TMEM215: variants seen among roughly 807,000 people sequenced by gnomAD.
TMEM215 encodes the protein transmembrane protein 215.
Under a neutral mutation model 14.7 loss-of-function variants are expected in TMEM215, and 12 were observed. The observed-to-expected ratio is 0.82, with a 90% CI of 0.52 to 1.33. The LOEUF (loss-of-function observed/expected upper bound fraction) is 1.33, where lower values mean the gene tolerates loss of function less well. Ranked by LOEUF, TMEM215 falls within the 40% of genes most tolerant of loss-of-function variation. The probability of loss-of-function intolerance (pLI) is 0.00; values close to 1 mark genes in which losing one functional copy is unlikely to be tolerated. For missense variants in TMEM215, 276 were observed against 296.2 expected (o/e 0.93, Z 0.50); for synonymous variants, 122 against 124.8 (o/e 0.98, Z 0.15).
At position 32,786,871 on chromosome 9, in the gene TMEM215, G is replaced by A. The variant is rs1406697540; in HGVS notation, c.*1980G>A. The A allele has an allele frequency of 6.0e-6, 1 of 166,968 alleles. No homozygotes were observed. Among genetic ancestry groups the A allele is most frequent in the Non-Finnish European group, 1.5e-5 (1 of 68,038 alleles). The allele number at this position is 166,968 out of a possible 1,614,324, so 10.3% of individuals were successfully genotyped here. ...TAATACACAACCTTGCACTAAATGT[G>A]ATTGACATTTGGATTTGGGATGGGG... On this transcript the variant is annotated 3_prime_UTR_variant, in exon 2 of 2. Transcript: ENST00000342743.
Position 32,788,555 on chromosome 9 carries a change from G to A in TMEM215, c.*3664G>A, listed in dbSNP as rs1824532177. Among the ~76,000 whole-genome samples, 1 of 152,116 alleles carries A rather than the reference G, an allele frequency of 6.6e-6. No individual in the cohort carries two copies. The highest frequency in any genetic ancestry group is 1.5e-5 in the Non-Finnish European group (1 of 68,028). On this transcript the variant is annotated 3_prime_UTR_variant, in exon 2 of 2. Coordinates refer to ENST00000342743, the MANE Select transcript of TMEM215 (RefSeq NM_212558.3). ...TTGCTGGCAAGATACTAAGTTTTAT[G>A]GATGATTTTGTATGTTTTTTTCCTA...
rs1824481756 is a variant in TMEM215, at chr9:32,784,562, G to T, written c.379G>T (p.Gly127Cys). The change falls in exon 2 of 2, where the codon GGT becomes TGT. Residue 127 changes from glycine (G) to cysteine (C), a missense_variant. Transcript: ENST00000342743. ...GGGGAAGCCTCCCCCACAAAGCCAG[G>T]GTGAGGTGTCCGTGGCCAGCTCCAT... ...LRGKPPPQSQGEVSVASSINS... is the reference protein window; with the variant it reads ...LRGKPPPQSQCEVSVASSINS... The T allele has an allele frequency of 6.2e-7, 1 of 1,613,628 alleles. No individual in the cohort carries two copies. Among genetic ancestry groups the T allele is most frequent in the Non-Finnish European group, 8.5e-7 (1 of 1,179,972 alleles).
chr9:32,784,177 G>A lies in TMEM215; in HGVS notation c.-7G>A, dbSNP rs371425496. On this transcript the variant is annotated 5_prime_UTR_variant, in exon 2 of 2. It adds an upstream start codon to the 5' untranslated region. Transcript: ENST00000342743. ...GCAAGCAGCCCCCAACCTGGATGGAGTGAAACATGCGGCCTGATGACATTA... is the reference window on the plus strand; with the variant it reads ...GCAAGCAGCCCCCAACCTGGATGGAATGAAACATGCGGCCTGATGACATTA... 3.2e-5 allele frequency: 52 copies of A among 1,607,192 alleles called. No homozygotes were observed. The highest frequency in any genetic ancestry group is 3.4e-5 in the Admixed American group (2 of 59,650).
At position 32,785,224 on chromosome 9, in the gene TMEM215, G is replaced by C. The variant is rs541788379; in HGVS notation, c.*333G>C. The C allele has an allele frequency of 1.9e-4, 46 of 244,644 alleles. No homozygotes were observed. The highest frequency in any genetic ancestry group is 1.0e-3 in the African/African-American group (46 of 44,078). The allele number at this position is 244,644 out of a possible 1,614,324, so 15.2% of individuals were successfully genotyped here. A position where few individuals can be genotyped will look rare whatever the true frequency, so the allele number is the denominator to read the frequency against. On this transcript the variant is annotated 3_prime_UTR_variant, in exon 2 of 2. Transcript: ENST00000342743. ...ACCAGCTGAGAGCAAGATAAATCTA[G>C]AGTGGGCTGCAGATGTGAGGCATCA...
rs1824502892 is a variant in TMEM215, at chr9:32,786,023, T to G, written c.*1132T>G. On this transcript the variant is annotated 3_prime_UTR_variant, in exon 2 of 2. Coordinates refer to ENST00000342743, the MANE Select transcript of TMEM215 (RefSeq NM_212558.3). Reference sequence around the variant, plus strand: ...CACCTGATCAGTGAACATTACATGATAAAAGTCTCTTTATTTCATACATTT... The same window carrying G: ...CACCTGATCAGTGAACATTACATGAGAAAAGTCTCTTTATTTCATACATTT... 6.0e-6 allele frequency: 1 copy of G among 167,002 alleles called. No homozygotes were observed. The highest frequency in any genetic ancestry group is 2.1e-4 in the South Asian group (1 of 4,834). 10.3% of individuals were successfully genotyped at this position (167,002 alleles called of 1,614,324 possible).
At position 32,784,492 on chromosome 9, in the gene TMEM215, C is replaced by T. The variant is rs535200766; in HGVS notation, c.309C>T (p.Ser103=). The part of the protein sequence containing the change: ...ELLRTPSDLE[S]GKGSSDELAK... ...TGAGGACCCCTTCAGACCTAGAATC[C>T]GGCAAGGGGAGCTCAGATGAGCTGG... Residue 103 remains serine (S), a synonymous_variant, in exon 2 of 2, where the codon TCC becomes TCT. Transcript: ENST00000342743. The T allele has an allele frequency of 5.0e-6, 8 of 1,614,002 alleles. No individual in the cohort carries two copies. The Admixed American group carries it at 1.0e-4, about 20-fold the overall frequency.
In TMEM215 at chr9:32,784,884, T is replaced by C. The variant is rs759273226; in HGVS notation, c.701T>C (p.Ile234Thr). Residue 234 changes from isoleucine to threonine, a missense_variant, in exon 2 of 2, where the codon ATC (isoleucine) becomes ACC (threonine). Physicochemically the swap from Ile to Thr is moderately conservative, Grantham distance 89. Coordinates refer to ENST00000342743, the MANE Select transcript of TMEM215 (RefSeq NM_212558.3). ...QIQGRWDHET[I>T]V is the part of the protein sequence containing the mutation. The stretch of plus-strand genomic sequence containing the variant: ...CAAGGCAGGTGGGACCACGAGACCA[T>C]CGTCTAATCTCTGCCTACAAAGGTG... The C allele has an allele frequency of 3.1e-6, 5 of 1,610,500 alleles. No individual in the cohort carries two copies. Among genetic ancestry groups the C allele is most frequent in the Non-Finnish European group, 4.2e-6 (5 of 1,178,288 alleles).
Position 32,784,657 on chromosome 9 carries a change from G to A in TMEM215, c.474G>A (p.Thr158=). 3.1e-6 allele frequency: 5 copies of A among 1,613,974 alleles called. No individual in the cohort carries two copies. The highest frequency in any genetic ancestry group is 4.2e-6 in the Non-Finnish European group (5 of 1,179,988). The part of the protein sequence containing the change: ...SLVQNGHQEE[T]SRYLDGYCPS... ...TCCAGAATGGGCATCAGGAGGAGAC[G>A]TCCAGATACCTGGACGGCTACTGCC... Residue 158 remains threonine (T), a synonymous_variant, in exon 2 of 2, where the codon ACG becomes ACA. Transcript: ENST00000342743.
rs1034539873 is a variant in TMEM215, at chr9:32,787,339, G to T, written c.*2448G>T. On this transcript the variant is annotated 3_prime_UTR_variant, in exon 2 of 2. Coordinates refer to ENST00000342743, the MANE Select transcript of TMEM215 (RefSeq NM_212558.3). ...CCATTACCTACTTAAGATACTTAAG[G>T]TATTTAAGTATGCATTTGAGGAAAT... The T allele has an allele frequency of 6.0e-6, 1 of 166,788 alleles. No homozygotes were observed. Among genetic ancestry groups the T allele is most frequent in the Admixed American group, 6.6e-5 (1 of 15,266 alleles). The allele number at this position is 166,788 out of a possible 1,614,324, so 10.3% of individuals were successfully genotyped here.
Position 32,787,637 on chromosome 9 carries a change from T to G in TMEM215, c.*2746T>G, listed in dbSNP as rs983618596. 1.3e-4 allele frequency among the ~76,000 whole-genome samples: 20 copies of G among 152,040 alleles called. No individual in the cohort carries two copies. Among genetic ancestry groups the G allele is most frequent in the African/African-American group, 4.3e-4 (18 of 41,416 alleles). On this transcript the variant is annotated 3_prime_UTR_variant, in exon 2 of 2. Transcript: ENST00000342743. The stretch of plus-strand genomic sequence containing the variant: ...AGGTAGAAGAGAAAGAGAAAAAAAG[T>G]GTCTCAGCCCTTTAGAGGAAAAGAG...
Position 32,785,149 on chromosome 9 carries a change from T to G in TMEM215, c.*258T>G, listed in dbSNP as rs373912082. Reference sequence around the variant, plus strand: ...GCTACTCCAGTTGCTTCTTAACAATTTACACAATGTTAAATGTTTTGTAAA... The same window carrying G: ...GCTACTCCAGTTGCTTCTTAACAATGTACACAATGTTAAATGTTTTGTAAA... On this transcript the variant is annotated 3_prime_UTR_variant, in exon 2 of 2. Transcript: ENST00000342743. 2.2e-6 allele frequency: 1 copy of G among 453,702 alleles called. No individual in the cohort carries two copies. Among genetic ancestry groups the G allele is most frequent in the African/African-American group, 2.0e-5 (1 of 50,552 alleles). The allele number at this position is 453,702 out of a possible 1,614,324, so 28.1% of individuals were successfully genotyped here.
rs1824493494 is a variant in TMEM215, at chr9:32,785,186, A to G, written c.*295A>G. Reference sequence around the variant, plus strand: ...AAATGTTTTGTAAAATAACCCAAAAAGTGCTATCCAGAACCAGCTGAGAGC... The same window carrying G: ...AAATGTTTTGTAAAATAACCCAAAAGGTGCTATCCAGAACCAGCTGAGAGC... On this transcript the variant is annotated 3_prime_UTR_variant, in exon 2 of 2. Transcript: ENST00000342743. 3.1e-6 allele frequency: 1 copy of G among 327,094 alleles called. No homozygotes were observed. The highest frequency in any genetic ancestry group is 5.9e-6 in the Non-Finnish European group (1 of 169,140). The allele number at this position is 327,094 out of a possible 1,614,324, so 20.3% of individuals were successfully genotyped here.
chr9:32,785,745 T>C lies in TMEM215; in HGVS notation c.*854T>C, dbSNP rs1824499805. On this transcript the variant is annotated 3_prime_UTR_variant, in exon 2 of 2. Coordinates refer to ENST00000342743, the MANE Select transcript of TMEM215 (RefSeq NM_212558.3). The stretch of plus-strand genomic sequence containing the variant: ...TCATCAAGACAAAATGAATTTTACA[T>C]ATATATCCAAGTCTTTAACATTGGC... 6.0e-6 allele frequency: 1 copy of C among 166,796 alleles called. No homozygotes were observed. Among genetic ancestry groups the C allele is most frequent in the Non-Finnish European group, 1.5e-5 (1 of 68,128 alleles). 10.3% of individuals were successfully genotyped at this position (166,796 alleles called of 1,614,324 possible).
rs1824478064 is a variant in TMEM215 at position 32,784,383 on chromosome 9, C to T, written c.200C>T (p.Thr67Ile). 1 of 1,614,102 alleles carries T rather than the reference C, an allele frequency of 6.2e-7. No homozygotes were observed. Among genetic ancestry groups the T allele is most frequent in the Non-Finnish European group, 8.5e-7 (1 of 1,180,040 alleles). The change falls in exon 2 of 2, where the codon ACC becomes ATC. Residue 67 changes from threonine to isoleucine, a missense_variant. Physicochemically the swap from Thr to Ile is moderately conservative, Grantham distance 89. Coordinates refer to ENST00000342743, the MANE Select transcript of TMEM215 (RefSeq NM_212558.3). ...CTGGCCAGGAAAACCGAGGGATGCA[C>T]CAAGTGGCCAGAGAACGAGCTGCTG... ...IALARKTEGC[T>I]KWPENELLWV...
chr9:32,785,085 G>T lies in TMEM215; in HGVS notation c.*194G>T. ...ACACATTTTAGGGAAGGGCGATGAGGGTTAAGGACACTGGAAGAGGCAGTG... is the reference window on the plus strand; with the variant it reads ...ACACATTTTAGGGAAGGGCGATGAGTGTTAAGGACACTGGAAGAGGCAGTG... On this transcript the variant is annotated 3_prime_UTR_variant, in exon 2 of 2. Coordinates refer to ENST00000342743, the MANE Select transcript of TMEM215 (RefSeq NM_212558.3). The T allele has an allele frequency of 1.7e-6, 1 of 583,058 alleles. No individual in the cohort carries two copies. 36.1% of individuals were successfully genotyped at this position (583,058 alleles called of 1,614,324 possible).
In TMEM215 at chr9:32,784,188, G is replaced by A. The variant is rs763352445; in HGVS notation, c.5G>A (p.Arg2Gln). 5.0e-6 allele frequency: 8 copies of A among 1,611,422 alleles called. No individual in the cohort carries two copies. The highest frequency in any genetic ancestry group is 6.8e-6 in the Non-Finnish European group (8 of 1,178,390). Reference protein sequence around the residue: MRPDDINPRTGL... With the variant: MQPDDINPRTGL... ...CCAACCTGGATGGAGTGAAACATGC[G>A]GCCTGATGACATTAACCCGAGGACT... The change falls in exon 2 of 2, where the codon CGG becomes CAG. Residue 2 changes from arginine to glutamine, a missense_variant. Transcript: ENST00000342743.
chr9:32,784,944 C>A lies in TMEM215; in HGVS notation c.*53C>A. Reference sequence around the variant, plus strand: ...ATAGAATATGACTAAGCCCAGCTCCCCGTGGAAGCAAATTGCTCTGCTTGG... The same window carrying A: ...ATAGAATATGACTAAGCCCAGCTCCACGTGGAAGCAAATTGCTCTGCTTGG... On this transcript the variant is annotated 3_prime_UTR_variant, in exon 2 of 2. Coordinates refer to ENST00000342743, the MANE Select transcript of TMEM215 (RefSeq NM_212558.3). 6.8e-7 allele frequency: 1 copy of A among 1,467,416 alleles called. No homozygotes were observed. Among genetic ancestry groups the A allele is most frequent in the Non-Finnish European group, 9.4e-7 (1 of 1,066,604 alleles). 90.9% of individuals were successfully genotyped at this position (1,467,416 alleles called of 1,614,324 possible).
Position 32,787,977 on chromosome 9 carries a change from C to T in TMEM215, c.*3086C>T, listed in dbSNP as rs1418224497. Reference sequence around the variant, plus strand: ...GATACTCAAACGAGAGCATATTAGACATCTGTTTTAAGATTTATTTTCTGT... The same window carrying T: ...GATACTCAAACGAGAGCATATTAGATATCTGTTTTAAGATTTATTTTCTGT... On this transcript the variant is annotated 3_prime_UTR_variant, in exon 2 of 2. Transcript: ENST00000342743. 6.6e-6 allele frequency among the ~76,000 whole-genome samples: 1 copy of T among 152,112 alleles called. No individual in the cohort carries two copies. Among genetic ancestry groups the T allele is most frequent in the Non-Finnish European group, 1.5e-5 (1 of 67,982 alleles).
In TMEM215 at chr9:32,784,596, C is replaced by G. The variant is rs747269575; in HGVS notation, c.413C>G (p.Pro138Arg). 9.9e-6 allele frequency: 16 copies of G among 1,613,418 alleles called. No homozygotes were observed. The highest frequency in any genetic ancestry group is 1.2e-5 in the Non-Finnish European group (14 of 1,179,878). Residue 138 changes from proline to arginine, a missense_variant, in exon 2 of 2, where the codon CCC becomes CGC. Coordinates refer to ENST00000342743, the MANE Select transcript of TMEM215 (RefSeq NM_212558.3). The stretch of plus-strand genomic sequence containing the variant: ...TCCGTGGCCAGCTCCATCAACAGCC[C>G]CACACCCACGGAGGAAGGAGAATGC... ...EVSVASSINSPTPTEEGECQS... is the reference protein window; with the variant it reads ...EVSVASSINSRTPTEEGECQS...
Sources: gnomAD v4.1 joint callset for allele counts (sites outside exome capture counted in the v4.1 genomes callset) on GRCh38, gnomAD v4.1.1 for gene constraint, MANE v1.5 for transcripts, NCBI Gene and HGNC (gene_info 2026-07-23, HGNC 2026-07-21) for gene names.